The following AHCYL2 variants were observed in gnomAD, a reference collection of about 807,000 sequenced individuals.
AHCYL2 encodes the protein adenosylhomocysteinase like 2.
AHCYL2 carries 28 observed loss-of-function variants against 81.4 expected under a neutral mutation model. That is an observed-to-expected ratio of 0.34 (90% CI 0.25 to 0.47). The LOEUF is 0.47. AHCYL2 is among the 20% of genes least tolerant of loss of function. The pLI, the probability that AHCYL2 is intolerant of heterozygous loss-of-function variation, is 1.00. For synonymous variants in AHCYL2, 272 were observed against 290.2 expected (o/e 0.94, Z 0.64); for missense variants, 551 against 785.1 (o/e 0.70, Z 3.56).
intron 10 of AHCYL2, among the ~76,000 whole-genome samples, chr7:129,407,018 T>C (rs1796339534): frequency 6.6e-6 from 1 of 152,232 alleles, no homozygotes; most frequent in Admixed American, 6.5e-5. Flanking sequence ...TGTGTAATCA[T>C]ACCTACCTCA....
intron 1 of AHCYL2, among the ~76,000 whole-genome samples, chr7:129,282,906 C>T (rs1354367931): frequency 6.6e-6 from 1 of 152,092 alleles, no homozygotes; most frequent in Non-Finnish European, 1.5e-5. Flanking sequence ...AGCAGTTTTC[C>T]ATCTAGGGTA....
rs148610666 is a variant in AHCYL2, at chr7:129,422,841, C to A, written c.1463C>A (p.Ala488Glu). ...CTGTACTTGCTGTATGTGTTCCAGGCGAGTCTGCGGACACCAGAACTGACC... is the reference window on the plus strand; with the variant it reads ...CTGTACTTGCTGTATGTGTTCCAGGAGAGTCTGCGGACACCAGAACTGACC... ...MGHSNTEIDV[A>E]SLRTPELTWE... The change falls in exon 13 of 17, where the codon GCG (alanine) becomes GAG (glutamate). Residue 488 changes from alanine to glutamate, a missense_variant and splice_region_variant. Coordinates refer to ENST00000325006, the MANE Select transcript of AHCYL2 (RefSeq NM_015328.4). 2.5e-6 allele frequency: 4 copies of A among 1,613,722 alleles called. No individual in the cohort carries two copies. The highest frequency in any genetic ancestry group is 2.5e-6 in the Non-Finnish European group (3 of 1,179,748).
chr7:129,289,748 T>C (rs1796768732), intron 1 of AHCYL2, among the ~76,000 whole-genome samples: 1 of 152,136 alleles, frequency 6.6e-6, no homozygotes, highest in Non-Finnish European at 1.5e-5. Context: ...TGCATTTTTT[T>C]CCTTTTCTAG....
intron 1 of AHCYL2, among the ~76,000 whole-genome samples, chr7:129,276,303 G>A (rs1280996377): frequency 6.6e-6 from 1 of 151,616 alleles, no homozygotes. Context: ...AAGCCAAAGG[G>A]AAATTTACAG....
At chr7:129,314,605 C>G (rs1797770835) in intron 1 of AHCYL2, among the ~76,000 whole-genome samples, 1 of 152,218 alleles carries the variant, frequency 6.6e-6, no homozygotes, top group South Asian at 2.1e-4. Context: ...AGAGAGCTCT[C>G]AGCTCTCTTT....
intron 1 of AHCYL2, among the ~76,000 whole-genome samples, chr7:129,260,909 C>G (rs1000146721): frequency 6.6e-6 from 1 of 152,196 alleles, no homozygotes; most frequent in African/African-American, 2.4e-5. Context: ...CTGCCTCAGC[C>G]TCCCGAGTAG....
At chr7:129,300,774 T>C (rs1173090402) in intron 1 of AHCYL2, among the ~76,000 whole-genome samples, 1 of 152,198 alleles carries the variant, frequency 6.6e-6, no homozygotes, top group Non-Finnish European at 1.5e-5. Context: ...CTTGCCAGCA[T>C]TTGTTATTGC....
At chr7:129,424,732 TTA>T (rs1797278525) in intron 13 of AHCYL2, 140 bp from the exon 14 acceptor site, 8 of 788,916 alleles carry the variant, frequency 1.0e-5, no homozygotes, top group East Asian at 2.6e-5. Flanking sequence ...CAGTTAGTTC[TTA>T]TATATTGAAT....
At chr7:129,290,601 A>G (rs1231765371) in intron 1 of AHCYL2, among the ~76,000 whole-genome samples, 1 of 151,874 alleles carries the variant, frequency 6.6e-6, no homozygotes, top group Non-Finnish European at 1.5e-5. Context: ...AGTAAAAAAT[A>G]ATATGGTTGC....
intron 1 of AHCYL2, among the ~76,000 whole-genome samples, chr7:129,285,599 A>G (rs1796599717): frequency 6.6e-6 from 1 of 152,088 alleles, no homozygotes; most frequent in African/African-American, 2.4e-5. Flanking sequence ...CCAGAGGGAA[A>G]TGTTCTTCCT....
At chr7:129,369,676 C>G (rs1261749410) in intron 1 of AHCYL2, among the ~76,000 whole-genome samples, 1 of 151,782 alleles carries the variant, frequency 6.6e-6, no homozygotes, top group Non-Finnish European at 1.5e-5. Context: ...TCTCAGCCTC[C>G]CAAGTAGCTG....
At chr7:129,239,868 C>G (rs1021424541) in intron 1 of AHCYL2, among the ~76,000 whole-genome samples, 1 of 151,858 alleles carries the variant, frequency 6.6e-6, no homozygotes, top group African/African-American at 2.4e-5. Context: ...ACCCCTGCCC[C>G]ACCATGCCCA....
At chr7:129,340,408 A>G (rs926719874) in intron 1 of AHCYL2, among the ~76,000 whole-genome samples, 2 of 151,560 alleles carry the variant, frequency 1.3e-5, no homozygotes, top group African/African-American at 2.4e-5. Flanking sequence ...TCTACTAAAA[A>G]TACAAAAAAA....
intron 1 of AHCYL2, among the ~76,000 whole-genome samples, chr7:129,372,773 C>T (rs996236437): frequency 6.6e-6 from 1 of 152,148 alleles, no homozygotes; most frequent in Non-Finnish European, 1.5e-5. Flanking sequence ...CGAGATGGCA[C>T]CATTGCACCC....
intron 1 of AHCYL2, among the ~76,000 whole-genome samples, chr7:129,362,551 A>C (rs2150844645): frequency 6.6e-6 from 1 of 151,006 alleles, no homozygotes; most frequent in East Asian, 1.9e-4. Context: ...TAGCCTCCAT[A>C]ATAAGCTGAA....
intron 1 of AHCYL2, among the ~76,000 whole-genome samples, chr7:129,259,538 T>A (rs575610861): frequency 1.3e-5 from 2 of 152,312 alleles, no homozygotes; most frequent in Non-Finnish European, 2.9e-5. Flanking sequence ...AGTTCTAAGT[T>A]AAGTACTGTA....
At chr7:129,336,664 G>T (rs1006552093) in intron 1 of AHCYL2, among the ~76,000 whole-genome samples, 1 of 152,150 alleles carries the variant, frequency 6.6e-6, no homozygotes, top group African/African-American at 2.4e-5. Context: ...CCCAAGCAGT[G>T]CAGGTGAGCA....
chr7:129,232,058 G>T (rs1021340521), intron 1 of AHCYL2, among the ~76,000 whole-genome samples: 3 of 152,144 alleles, frequency 2.0e-5, no homozygotes, highest in East Asian at 1.9e-4. Context: ...CTGAGTATAG[G>T]ACTTTAGCCT....
chr7:129,397,245 T>C lies in AHCYL2; in HGVS notation c.744T>C (p.Ala248=). The C allele has an allele frequency of 1.2e-6, 2 of 1,614,140 alleles. No individual in the cohort carries two copies. Among genetic ancestry groups the C allele is most frequent in the Non-Finnish European group, 1.7e-6 (2 of 1,180,010 alleles). The stretch of plus-strand genomic sequence containing the variant: ...AGGTGCTTATGGAAACTCTGGGTGC[T>C]CTGGGGGCCCAGTGCCGATGGGCTG... The part of the protein sequence containing the change: ...QTAVLMETLG[A]LGAQCRWAAC... The change falls in exon 5 of 17, where the codon GCT becomes GCC. Residue 248 remains alanine (A), a synonymous_variant. Transcript: ENST00000325006.
Sources: allele counts gnomAD v4.1 joint callset (sites outside exome capture counted in the v4.1 genomes callset), GRCh38; gene constraint gnomAD v4.1.1; transcripts MANE v1.5; gene names NCBI Gene and HGNC (gene_info 2026-07-23, HGNC 2026-07-21).